The following HMG20A variants were observed in gnomAD, a reference collection of about 807,000 sequenced individuals.
The protein encoded by HMG20A is high mobility group protein 20A.
A neutral mutation model predicts 43.9 loss-of-function variants in HMG20A; 17 were observed. The ratio of observed to expected loss-of-function variants is 0.39; its 90% CI spans 0.27 to 0.58. HMG20A has a LOEUF of 0.58. HMG20A is among the 20% of genes least tolerant of loss of function. The pLI, the probability that HMG20A is intolerant of heterozygous loss-of-function variation, is 0.59. For missense variants in HMG20A, 341 were observed against 438.2 expected, an observed-to-expected ratio of 0.78 and a Z score of 1.98; for synonymous variants, 132 against 147.5, an observed-to-expected ratio of 0.89 and a Z score of 0.76.
At chr15:77,467,329 T>C in intron 4 of HMG20A, 22 bp downstream of exon 4, 1 of 1,573,802 alleles carries the variant, frequency 6.4e-7, no homozygotes, top group Non-Finnish European at 8.7e-7. Context: ...TATTCCTGAC[T>C]CTTTGTTTGG....
chr15:77,509,451 C>T, the HMG20A span, among the ~76,000 whole-genome samples: 1 of 151,780 alleles, frequency 6.6e-6, no homozygotes, highest in African/African-American at 2.4e-5. Flanking sequence ...GATGGGATTA[C>T]ACCATGTTGC....
intron 1 of HMG20A, among the ~76,000 whole-genome samples, chr15:77,430,736 C>T (rs2073475966): frequency 6.6e-6 from 1 of 152,156 alleles, no homozygotes; most frequent in Non-Finnish European, 1.5e-5. Context: ...TTGTTTTCCC[C>T]TCACAGTGTT....
At chr15:77,438,042 G>A (rs1158142549) in intron 1 of HMG20A, among the ~76,000 whole-genome samples, 2 of 151,262 alleles carry the variant, frequency 1.3e-5, no homozygotes, top group African/African-American at 2.4e-5. Context: ...CTGCAGCCTT[G>A]AACTCCTAGG....
chr15:77,437,084 A>G (rs1471690833), intron 1 of HMG20A, among the ~76,000 whole-genome samples: 4 of 152,206 alleles, frequency 2.6e-5, no homozygotes, highest in African/African-American at 9.7e-5. Context: ...TGCCTACTTA[A>G]CATTTAGCTC....
intron 2 of HMG20A, among the ~76,000 whole-genome samples, chr15:77,461,315 A>C (rs1428657044): frequency 6.6e-6 from 1 of 152,216 alleles, no homozygotes; most frequent in East Asian, 1.9e-4. Flanking sequence ...GGGTTGTGCT[A>C]TAAAGGAAAG....
intron 1 of HMG20A, among the ~76,000 whole-genome samples, chr15:77,454,178 A>C (rs957507192): frequency 5.3e-5 from 8 of 151,390 alleles, no homozygotes; most frequent in Non-Finnish European, 1.2e-4. Context: ...AAAAAAAAAA[A>C]AACAAAGTAG....
In HMG20A at chr15:77,453,443, A is replaced by G. The variant is rs117170725; in HGVS notation, c.-4-4961A>G. Among the ~76,000 whole-genome samples the G allele has an allele frequency of 1.1e-3, 166 of 152,312 alleles. 1 individual carries two copies. Among genetic ancestry groups the G allele is most frequent in the Non-Finnish European group, 2.0e-3 (133 of 68,016 alleles). ...AGATAATACCAAGTGTGCTGAGGAT[A>G]TGGAGAAATTGGAACCCTAATAGGT... On this transcript the variant is annotated intron_variant, in intron 1 of 9. Transcript: ENST00000336216.
intron 1 of HMG20A, among the ~76,000 whole-genome samples, chr15:77,457,730 G>A (rs2072667801): frequency 6.6e-6 from 1 of 152,098 alleles, no homozygotes; most frequent in Non-Finnish European, 1.5e-5. Context: ...ATGGTGTGTG[G>A]AGCATATTTC....
intron 1 of HMG20A, among the ~76,000 whole-genome samples, chr15:77,433,944 A>G (rs974833656): frequency 1.3e-5 from 2 of 152,260 alleles, no homozygotes; most frequent in African/African-American, 2.4e-5. Context: ...AGTCAAGACA[A>G]ACTTGAAGAA....
At chr15:77,510,497 CT>C in the HMG20A span, among the ~76,000 whole-genome samples, 672 of 152,320 alleles carry the variant, frequency 4.4e-3, 6 homozygotes, top group African/African-American at 0.015. Context: ...GGAGAGGAAG[CT>C]GTACTCAGCT....
chr15:77,442,242 T>C (rs1434796683), intron 1 of HMG20A, among the ~76,000 whole-genome samples: 5 of 152,250 alleles, frequency 3.3e-5, no homozygotes, highest in Non-Finnish European at 7.3e-5. Context: ...TGTATTTTCA[T>C]GTAACTTATC....
chr15:77,499,536 C>T, the HMG20A span, among the ~76,000 whole-genome samples: 1 of 151,472 alleles, frequency 6.6e-6, no homozygotes, highest in African/African-American at 2.4e-5. Context: ...CTCCCCCCCA[C>T]ACACACACAC....
chr15:77,516,980 G>A, the HMG20A span, among the ~76,000 whole-genome samples: 1 of 152,178 alleles, frequency 6.6e-6, no homozygotes. Context: ...CAGCATGGTG[G>A]CCTCACCGTC....
the HMG20A span, among the ~76,000 whole-genome samples, chr15:77,497,370 T>C: frequency 6.6e-6 from 1 of 152,226 alleles, no homozygotes; most frequent in African/African-American, 2.4e-5. Context: ...GGCCTCCTGC[T>C]GATTAGCAGC....
At chr15:77,451,384 G>A (rs1289172803) in intron 1 of HMG20A, among the ~76,000 whole-genome samples, 1 of 152,186 alleles carries the variant, frequency 6.6e-6, no homozygotes, top group African/African-American at 2.4e-5. Flanking sequence ...CCCACATAAT[G>A]AAGGAGAGTT....
rs1481883711 is a variant in HMG20A at position 77,420,927 on chromosome 15, G to C, written c.-82G>C. The stretch of plus-strand genomic sequence containing the variant: ...GAGTGCGTGAAGTGAAGGCGATTGA[G>C]AGGGGCTGAGGGAATTGTCCTCTGT... On this transcript the variant is annotated 5_prime_UTR_variant, in exon 1 of 10. Transcript: ENST00000336216. The C allele has an allele frequency of 2.5e-6, 1 of 398,602 alleles. No homozygotes were observed. Among genetic ancestry groups the C allele is most frequent in the Non-Finnish European group, 4.4e-6 (1 of 226,120 alleles). 24.7% of individuals were successfully genotyped at this position (398,602 alleles called of 1,614,324 possible).
At chr15:77,501,725 C>T in the HMG20A span, among the ~76,000 whole-genome samples, 1 of 152,192 alleles carries the variant, frequency 6.6e-6, no homozygotes, top group Admixed American at 6.5e-5. Context: ...CAGGTGTACC[C>T]CCAGACCCTT....
At chr15:77,472,389 C>T (rs1426678806) in intron 6 of HMG20A, among the ~76,000 whole-genome samples, 1 of 152,212 alleles carries the variant, frequency 6.6e-6, no homozygotes. Context: ...ATTCTCCTGC[C>T]TCAGCCTCCC....
chr15:77,461,387 T>G (rs2072703456), intron 2 of HMG20A, among the ~76,000 whole-genome samples: 2 of 152,164 alleles, frequency 1.3e-5, no homozygotes, highest in Admixed American at 1.3e-4. Flanking sequence ...TTTTGTTTTG[T>G]GTTAAGAGAA....
Sources: gnomAD v4.1 joint callset for allele counts (sites outside exome capture counted in the v4.1 genomes callset) on GRCh38, gnomAD v4.1.1 for gene constraint, MANE v1.5 for transcripts, NCBI Gene and HGNC (gene_info 2026-07-23, HGNC 2026-07-21) for gene names.